PLEKHA5: variants seen among roughly 807,000 people sequenced by gnomAD.
PLEKHA5 encodes the protein pleckstrin homology domain containing A5.
A neutral mutation model predicts 181.9 loss-of-function variants in PLEKHA5; 55 were observed. That is an observed-to-expected ratio of 0.30 (90% confidence interval 0.24 to 0.38). PLEKHA5 has a LOEUF of 0.38. Ranked by LOEUF, PLEKHA5 falls within the 10% of genes least tolerant of loss-of-function variation. The pLI is 1.00. For synonymous variants in PLEKHA5, 535 were observed against 529.4 expected, an observed-to-expected ratio of 1.01 and a Z score of -0.15; for missense variants, 1,432 against 1,549.5, an observed-to-expected ratio of 0.92 and a Z score of 1.27.
At chr12:19,366,318 T>C (rs760628856) in intron 30 of PLEKHA5, among the ~76,000 whole-genome samples, 46 of 152,158 alleles carry the variant, frequency 3.0e-4, no homozygotes, top group African/African-American at 1.1e-3. Context: ...GCTTTGGTTT[T>C]GCTTTTTCCT....
chr12:19,179,433 G>C (rs926993357), intron 3 of PLEKHA5, among the ~76,000 whole-genome samples: 9 of 152,120 alleles, frequency 5.9e-5, no homozygotes, highest in African/African-American at 2.2e-4. Flanking sequence ...GAGGCAGGCA[G>C]ATCACCTGAG....
chr12:19,342,110 A>G (rs1185679865), intron 21 of PLEKHA5, among the ~76,000 whole-genome samples: 2 of 152,200 alleles, frequency 1.3e-5, no homozygotes, highest in Admixed American at 6.5e-5. Flanking sequence ...ATCTATAGTC[A>G]TTAATAACTG....
chr12:19,260,129 A>G (rs1426666997), intron 6 of PLEKHA5, among the ~76,000 whole-genome samples: 2 of 152,208 alleles, frequency 1.3e-5, no homozygotes, highest in South Asian at 2.1e-4. Flanking sequence ...TCTTTTTTGC[A>G]TGATGAGCAA....
chr12:19,176,766 CAAAT>C (rs375706350), intron 3 of PLEKHA5, among the ~76,000 whole-genome samples: 27 of 152,004 alleles, frequency 1.8e-4, no homozygotes, highest in Admixed American at 1.1e-3. Context: ...CTTAAATTGA[CAAAT>C]AATATATATA....
chr12:19,221,049 A>G (rs1474946222), intron 3 of PLEKHA5, among the ~76,000 whole-genome samples: 1 of 152,176 alleles, frequency 6.6e-6, no homozygotes, highest in Admixed American at 6.5e-5. Flanking sequence ...GCTCTTATTC[A>G]TTGTGGTTGG....
intron 7 of PLEKHA5, among the ~76,000 whole-genome samples, chr12:19,264,792 A>AAG (rs2069748907): frequency 6.6e-6 from 1 of 152,004 alleles, no homozygotes; most frequent in African/African-American, 2.4e-5. Flanking sequence ...GAAAAACAAA[A>AAG]AAGTCACACA....
chr12:19,255,487 A>C (rs1387932173), intron 5 of PLEKHA5, among the ~76,000 whole-genome samples: 2 of 152,034 alleles, frequency 1.3e-5, no homozygotes, highest in African/African-American at 4.8e-5. Flanking sequence ...TTAGATGGAG[A>C]AAACATTTTT....
intron 3 of PLEKHA5, among the ~76,000 whole-genome samples, chr12:19,164,425 C>T (rs2043794829): frequency 6.6e-6 from 1 of 152,058 alleles, no homozygotes; most frequent in Non-Finnish European, 1.5e-5. Flanking sequence ...AAACTCCTGA[C>T]CCCAAGTGAT....
chr12:19,295,643 G>A (rs956471181), intron 15 of PLEKHA5, among the ~76,000 whole-genome samples: 1 of 152,182 alleles, frequency 6.6e-6, no homozygotes, highest in Admixed American at 6.5e-5. Context: ...TCCCTAAAAG[G>A]TTCCATAGAG....
intron 3 of PLEKHA5, among the ~76,000 whole-genome samples, chr12:19,253,064 CTTTTT>C (rs35536570): frequency 0.079 from 3,601 of 45,854 alleles, 187 homozygotes; most frequent in South Asian, 0.26. Flanking sequence ...ATCAACTTAC[CTTTTT>C]TTTTTTTTTT....
At chr12:19,353,768 CTT>C in intron 25 of PLEKHA5, 114 bp from the exon 26 acceptor site, 1 of 675,130 alleles carries the variant, frequency 1.5e-6, no homozygotes, top group Non-Finnish European at 2.7e-6. Context: ...CAGCCTGACT[CTT>C]TTTAAATAAA....
Position 19,260,833 on chromosome 12 carries a change from C to G in PLEKHA5, c.538-116C>G, listed in dbSNP as rs186880079. 1.6e-3 allele frequency: 904 copies of G among 552,236 alleles called. 3 individuals carry two copies. Among genetic ancestry groups the G allele is most frequent in the Non-Finnish European group, 2.5e-3 (817 of 329,876 alleles). 34.2% of individuals were successfully genotyped at this position (552,236 alleles called of 1,614,324 possible). ...AGAGGTTGCACCATTGCACTCCAGC[C>G]TGGGCAACAAGAGCGAAACTCCATC... On this transcript the variant is annotated intron_variant, in intron 6 of 31. Transcript: ENST00000429027.
At chr12:19,141,145 C>G (rs931341309) in intron 3 of PLEKHA5, among the ~76,000 whole-genome samples, 5 of 152,018 alleles carry the variant, frequency 3.3e-5, no homozygotes, top group Admixed American at 6.6e-5. Flanking sequence ...TTCTTCAAGG[C>G]TCTTCCTCAC....
intron 21 of PLEKHA5, among the ~76,000 whole-genome samples, chr12:19,337,027 G>A (rs1275011622): frequency 1.3e-5 from 1 of 79,180 alleles, no homozygotes; most frequent in African/African-American, 5.8e-5. Flanking sequence ...TGCTCTTGTT[G>A]CCCAGGCTGG....
intron 3 of PLEKHA5, among the ~76,000 whole-genome samples, chr12:19,226,859 G>T (rs2059764050): frequency 1.3e-5 from 2 of 151,896 alleles, no homozygotes; most frequent in African/African-American, 4.8e-5. Context: ...TAATATGTAG[G>T]TAACATTTTT....
In PLEKHA5 at chr12:19,165,954, C is replaced by T. The variant is rs534143393; in HGVS notation, c.227+33504C>T. Among the ~76,000 whole-genome samples the T allele has an allele frequency of 2.0e-5, 3 of 152,234 alleles. No individual in the cohort carries two copies. In the South Asian group the frequency reaches 6.2e-4, roughly 32 times the overall value. ...GCAAGTCCTTGAACCTTGTTTTCCT[C>T]CTTGTCATTTTGTTACGAGGTTGAT... On this transcript the variant is annotated intron_variant, in intron 3 of 31. Coordinates refer to ENST00000429027, the MANE Select transcript of PLEKHA5 (RefSeq NM_001256470.2).
At chr12:19,372,355 C>T (rs1343830806) in intron 31 of PLEKHA5, 1 of 151,588 alleles carries the variant, frequency 6.6e-6, no homozygotes, top group Non-Finnish European at 1.5e-5. Context: ...TTGAGAAATG[C>T]CTATTCGCGT....
intron 10 of PLEKHA5, 114 bp downstream of exon 10, chr12:19,270,319 GT>G: frequency 1.9e-6 from 1 of 533,030 alleles, no homozygotes; most frequent in Non-Finnish European, 3.1e-6. Flanking sequence ...GTTAATTTGT[GT>G]TTTTCTGTAA....
chr12:19,268,412 G>A (rs1355722825), intron 8 of PLEKHA5, among the ~76,000 whole-genome samples: 1 of 152,150 alleles, frequency 6.6e-6, no homozygotes, highest in Non-Finnish European at 1.5e-5. Flanking sequence ...GACCATACAT[G>A]TTAAGTATAT....
Sources: allele counts gnomAD v4.1 joint callset (sites outside exome capture counted in the v4.1 genomes callset), GRCh38; gene constraint gnomAD v4.1.1; transcripts MANE v1.5; gene names NCBI Gene and HGNC (gene_info 2026-07-23, HGNC 2026-07-21).